Variants in NBEA observed in about 807,000 individuals in gnomAD.
The protein encoded by NBEA is lysosomal-trafficking regulator 2.
Under a neutral mutation model 343.4 loss-of-function variants are expected in NBEA, and 44 were observed. The ratio of observed to expected loss-of-function variants is 0.13; its 90% CI spans 0.10 to 0.16. NBEA has a LOEUF of 0.16. Among genes scored for constraint, NBEA ranks in the 10% least tolerant of loss-of-function variants. NBEA has a pLI of 1.00. For missense variants in NBEA, 2,555 were observed against 3,631.3 expected (o/e 0.70, Z 7.62); for synonymous variants, 1,175 against 1,238.7 (o/e 0.95, Z 1.08).
rs2038040210 is a variant in NBEA, at chr13:35,320,213, A to AT, written c.5903+10627dup. 2.6e-5 allele frequency among the ~76,000 whole-genome samples: 4 copies of AT among 152,052 alleles called. 1 individual carries two copies. The highest frequency in any genetic ancestry group is 9.6e-5 in the African/African-American group (4 of 41,480). ...GTCGATGGACTTTACAATTTGGTAT[A>AT]TTTTTTGCAGTGGCTGGTACCAGTT... On this transcript the variant is annotated intron_variant, in intron 36 of 58. Transcript: ENST00000379939.
intron 45 of NBEA, among the ~76,000 whole-genome samples, chr13:35,572,269 C>T (rs771461691): frequency 1.3e-5 from 2 of 152,144 alleles, no homozygotes; most frequent in Non-Finnish European, 2.9e-5. Context: ...TCTTAAATTA[C>T]AGTGGTTACA....
At chr13:35,178,507 G>C (rs2071072675) in intron 28 of NBEA, among the ~76,000 whole-genome samples, 1 of 151,480 alleles carries the variant, frequency 6.6e-6, no homozygotes, top group South Asian at 2.1e-4. Context: ...GAAAGCAACA[G>C]CATGTAGAAG....
chr13:35,543,261 C>T (rs902269512), intron 41 of NBEA, among the ~76,000 whole-genome samples: 1 of 152,042 alleles, frequency 6.6e-6, no homozygotes, highest in Non-Finnish European at 1.5e-5. Context: ...TACAATAATA[C>T]AGGAATCAAT....
At chr13:35,388,448 A>G (rs2042352146) in intron 38 of NBEA, among the ~76,000 whole-genome samples, 2 of 152,186 alleles carry the variant, frequency 1.3e-5, no homozygotes, top group Admixed American at 1.3e-4. Flanking sequence ...TAAAAAACTA[A>G]GATAATTTAT....
intron 10 of NBEA, among the ~76,000 whole-genome samples, chr13:35,071,519 C>A (rs1246152841): frequency 6.6e-6 from 1 of 151,766 alleles, no homozygotes; most frequent in Non-Finnish European, 1.5e-5. Context: ...ATTATACATA[C>A]AAGAATTTAA....
intron 38 of NBEA, among the ~76,000 whole-genome samples, chr13:35,428,862 T>C (rs759906413): frequency 6.6e-6 from 1 of 152,220 alleles, no homozygotes; most frequent in Non-Finnish European, 1.5e-5. Flanking sequence ...TCCTGTAACA[T>C]TGCTTCATCT....
intron 36 of NBEA, among the ~76,000 whole-genome samples, chr13:35,325,518 AT>A (rs1361251631): frequency 6.6e-6 from 1 of 152,038 alleles, no homozygotes; most frequent in African/African-American, 2.4e-5. Context: ...AGATATCGTA[AT>A]ACTGATACCA....
intron 38 of NBEA, among the ~76,000 whole-genome samples, chr13:35,408,406 C>T (rs1312894883): frequency 1.3e-5 from 2 of 152,070 alleles, no homozygotes; most frequent in Non-Finnish European, 2.9e-5. Flanking sequence ...ACTATAAAAA[C>T]CTTGGAAGAT....
intron 40 of NBEA, among the ~76,000 whole-genome samples, chr13:35,468,015 T>C (rs1444753873): frequency 6.6e-6 from 1 of 152,102 alleles, no homozygotes; most frequent in African/African-American, 2.4e-5. Context: ...CATTGAAAGT[T>C]GTAAAGAAGC....
intron 11 of NBEA, 41 bp from the exon 12 acceptor site, chr13:35,109,249 T>C: frequency 6.6e-7 from 1 of 1,507,678 alleles, no homozygotes; most frequent in Non-Finnish European, 8.9e-7. Flanking sequence ...CAATTTGATA[T>C]TCTGGATGTT....
chr13:35,509,692 T>C (rs2077202699), intron 41 of NBEA, among the ~76,000 whole-genome samples: 1 of 152,130 alleles, frequency 6.6e-6, no homozygotes, highest in Admixed American at 6.5e-5. Flanking sequence ...AAATGGCATT[T>C]AAAGAATAGA....
chr13:35,167,462 G>A (rs922674277), intron 24 of NBEA, among the ~76,000 whole-genome samples: 5 of 149,306 alleles, frequency 3.3e-5, no homozygotes, highest in African/African-American at 1.0e-4. Flanking sequence ...TATATATATT[G>A]TTTATAATGA....
At chr13:35,442,908 A>T (rs2045814697) in intron 39 of NBEA, among the ~76,000 whole-genome samples, 1 of 152,068 alleles carries the variant, frequency 6.6e-6, no homozygotes, top group Non-Finnish European at 1.5e-5. Flanking sequence ...GTATATTGTC[A>T]GCTTACTGGA....
intron 10 of NBEA, among the ~76,000 whole-genome samples, chr13:35,073,933 C>T (rs938412775): frequency 2.0e-5 from 3 of 152,084 alleles, no homozygotes; most frequent in Non-Finnish European, 4.4e-5. Context: ...CAGAGCAAGA[C>T]TCTGTATCAA....
intron 43 of NBEA, among the ~76,000 whole-genome samples, chr13:35,552,204 T>C (rs568290878): frequency 1.3e-5 from 2 of 152,326 alleles, no homozygotes; most frequent in South Asian, 2.1e-4. Context: ...TTAAATAGGC[T>C]ACAGACAACT....
In NBEA at chr13:35,314,698, A is replaced by G. The variant is rs369759117; in HGVS notation, c.5903+5106A>G. Among the ~76,000 whole-genome samples the G allele has an allele frequency of 5.3e-5, 8 of 152,308 alleles. No homozygotes were observed. In the South Asian group the frequency reaches 1.7e-3, roughly 32 times the overall value. On this transcript the variant is annotated intron_variant, in intron 36 of 58. Transcript: ENST00000379939. ...TCCTCTGACATTGTTTCTCATCTGT[A>G]GAATACTGTAGCACCTTTCTTGCTC...
At chr13:35,537,872 A>G (rs1487311694) in intron 41 of NBEA, among the ~76,000 whole-genome samples, 2 of 152,094 alleles carry the variant, frequency 1.3e-5, no homozygotes, top group Non-Finnish European at 2.9e-5. Context: ...ACCCCATCCC[A>G]TCTCTTTTGT....
chr13:35,270,680 G>A (rs749876088), intron 34 of NBEA, among the ~76,000 whole-genome samples: 2 of 152,142 alleles, frequency 1.3e-5, no homozygotes, highest in Non-Finnish European at 1.5e-5. Flanking sequence ...GACTCCCCCC[G>A]TGCCTGGCTT....
rs117174857 is a variant in NBEA, at chr13:35,127,888, G to A, written c.2336+4314G>A. On this transcript the variant is annotated intron_variant, in intron 17 of 58. Coordinates refer to ENST00000379939, the MANE Select transcript of NBEA (RefSeq NM_001385012.1). The stretch of plus-strand genomic sequence containing the variant: ...ATAACATAAAATATGAAATATCTAA[G>A]ACCAGTCTTACTGTCATTAAAAAAA... Among the ~76,000 whole-genome samples the A allele has an allele frequency of 7.4e-3, 1,125 of 151,464 alleles. 7 individuals carry two copies. Among genetic ancestry groups the A allele is most frequent in the South Asian group, 0.032 (155 of 4,792 alleles).
Sources: allele counts gnomAD v4.1 joint callset (sites outside exome capture counted in the v4.1 genomes callset), GRCh38; gene constraint gnomAD v4.1.1; transcripts MANE v1.5; gene names NCBI Gene and HGNC (gene_info 2026-07-23, HGNC 2026-07-21).